Variants in MEI4 observed in about 807,000 individuals in gnomAD.
MEI4 encodes the protein meiotic double-stranded break formation protein 4.
In MEI4, 27 loss-of-function variants were observed where a neutral mutation model predicts 31.4. That is an observed-to-expected ratio of 0.86 (90% CI 0.63 to 1.19). The LOEUF is 1.19. Among genes scored for constraint, MEI4 ranks in the 50% most tolerant of loss-of-function variants. MEI4 has a pLI of 0.00. For missense variants in MEI4, 329 were observed against 398.9 expected (o/e 0.82, Z 1.49); for synonymous variants, 122 against 145.4 (o/e 0.84, Z 1.16).
intron 3 of MEI4, among the ~76,000 whole-genome samples, chr6:77,779,921 G>A (rs1046664690): frequency 6.6e-6 from 1 of 152,154 alleles, no homozygotes; most frequent in African/African-American, 2.4e-5. Flanking sequence ...TATTGGGGAT[G>A]TCTGAAAGCC....
intron 3 of MEI4, among the ~76,000 whole-genome samples, chr6:77,795,306 A>C (rs984907291): frequency 6.6e-6 from 1 of 152,192 alleles, no homozygotes; most frequent in Admixed American, 6.5e-5. Flanking sequence ...CTCCTCGCTC[A>C]TGCTTTGTGG....
At chr6:77,904,203 T>C (rs1015392627) in intron 4 of MEI4, among the ~76,000 whole-genome samples, 5 of 152,186 alleles carry the variant, frequency 3.3e-5, no homozygotes, top group Admixed American at 2.6e-4. Flanking sequence ...CTTTTGTGTA[T>C]CTACAAAGCT....
chr6:77,815,203 C>A (rs1769661630), intron 3 of MEI4, among the ~76,000 whole-genome samples: 1 of 152,066 alleles, frequency 6.6e-6, no homozygotes, highest in African/African-American at 2.4e-5. Context: ...ATCAGTCACA[C>A]AGACAGGCTT....
At chr6:77,771,845 A>G (rs910777554) in intron 3 of MEI4, among the ~76,000 whole-genome samples, 1 of 152,016 alleles carries the variant, frequency 6.6e-6, no homozygotes, top group African/African-American at 2.4e-5. Context: ...CACTGTGCTT[A>G]GAACCTGGGT....
chr6:77,901,228 T>G (rs1006460536), intron 4 of MEI4, among the ~76,000 whole-genome samples: 4 of 152,056 alleles, frequency 2.6e-5, no homozygotes, highest in Admixed American at 1.3e-4. Flanking sequence ...TTTAGATATA[T>G]ACTCAGTAGT....
At chr6:77,749,019 G>T (rs560825421) in intron 2 of MEI4, among the ~76,000 whole-genome samples, 35 of 152,244 alleles carry the variant, frequency 2.3e-4, no homozygotes, top group African/African-American at 8.4e-4. Context: ...CCACAGACCT[G>T]CAGCAGAGGG....
At chr6:77,883,463 G>A (rs1262375162) in intron 4 of MEI4, among the ~76,000 whole-genome samples, 2 of 150,812 alleles carry the variant, frequency 1.3e-5, no homozygotes, top group Non-Finnish European at 3.0e-5. Flanking sequence ...GCCTCCCCCC[G>A]TGAGCCTCTG....
intron 1 of MEI4, among the ~76,000 whole-genome samples, chr6:77,670,588 T>G (rs1255663851): frequency 2.0e-5 from 3 of 152,310 alleles, no homozygotes; most frequent in Non-Finnish European, 4.4e-5. Flanking sequence ...AAGTGCTGTA[T>G]GTATCACAGC....
chr6:77,866,880 G>A (rs1001575740), intron 4 of MEI4, among the ~76,000 whole-genome samples: 1 of 152,140 alleles, frequency 6.6e-6, no homozygotes, highest in Admixed American at 6.5e-5. Flanking sequence ...CAGAGATATA[G>A]ACCAATGGAA....
At chr6:77,901,077 G>T (rs1344274933) in intron 4 of MEI4, among the ~76,000 whole-genome samples, 2 of 151,444 alleles carry the variant, frequency 1.3e-5, no homozygotes, top group Non-Finnish European at 3.0e-5. Context: ...ATAGTTCATT[G>T]TATATATATA....
intron 4 of MEI4, among the ~76,000 whole-genome samples, chr6:77,864,443 A>G (rs1297881742): frequency 2.0e-5 from 3 of 152,180 alleles, no homozygotes; most frequent in Non-Finnish European, 4.4e-5. Context: ...AGTCTCTGAT[A>G]AAACAGACTT....
intron 2 of MEI4, among the ~76,000 whole-genome samples, chr6:77,747,920 G>T (rs1014492732): frequency 2.6e-5 from 4 of 152,200 alleles, no homozygotes; most frequent in Admixed American, 2.6e-4. Flanking sequence ...GGGAGAAATT[G>T]ACCAAAACAA....
intron 4 of MEI4, among the ~76,000 whole-genome samples, chr6:77,849,703 C>T (rs756929076): frequency 2.6e-5 from 4 of 152,138 alleles, no homozygotes; most frequent in South Asian, 2.1e-4. Context: ...TAGTGCATAC[C>T]GTAAAGTAGA....
intron 4 of MEI4, among the ~76,000 whole-genome samples, chr6:77,916,242 T>C (rs1169707874): frequency 6.6e-6 from 1 of 152,070 alleles, no homozygotes; most frequent in Admixed American, 6.6e-5. Flanking sequence ...GAATTCTTTT[T>C]CCAGGATTTC....
chr6:77,742,820 G>C (rs969553000), intron 2 of MEI4, among the ~76,000 whole-genome samples: 10 of 151,972 alleles, frequency 6.6e-5, no homozygotes, highest in African/African-American at 2.4e-4. Context: ...AAGGGATCCA[G>C]TTTCAGCTTT....
At chr6:77,698,419 C>G (rs1292962975) in intron 2 of MEI4, among the ~76,000 whole-genome samples, 5 of 152,136 alleles carry the variant, frequency 3.3e-5, no homozygotes, top group African/African-American at 1.2e-4. Context: ...TTGTTCCTTT[C>G]TATGTTTAGT....
At chr6:77,798,748 T>G (rs1769158509) in intron 3 of MEI4, among the ~76,000 whole-genome samples, 2 of 150,574 alleles carry the variant, frequency 1.3e-5, no homozygotes, top group East Asian at 2.0e-4. Flanking sequence ...CGGTGTTTGG[T>G]TTTTTGTTCT....
chr6:77,705,099 C>T (rs1169124741), intron 2 of MEI4, among the ~76,000 whole-genome samples: 1 of 152,148 alleles, frequency 6.6e-6, no homozygotes, highest in Non-Finnish European at 1.5e-5. Flanking sequence ...CTGTTTAGTG[C>T]AATATGTAGA....
intron 3 of MEI4, among the ~76,000 whole-genome samples, chr6:77,801,176 T>G (rs948549195): frequency 5.9e-5 from 9 of 152,212 alleles, no homozygotes; most frequent in African/African-American, 2.2e-4. Flanking sequence ...CAGAGCCTGT[T>G]TTTGGTCTAT....
Sources: allele counts gnomAD v4.1 joint callset (sites outside exome capture counted in the v4.1 genomes callset), GRCh38; gene constraint gnomAD v4.1.1; transcripts MANE v1.5; gene names NCBI Gene and HGNC (gene_info 2026-07-23, HGNC 2026-07-21).